The following FRMD5 variants were observed in gnomAD, a reference collection of about 807,000 sequenced individuals.
FRMD5 encodes the protein FERM domain containing 5.
In FRMD5, 20 loss-of-function variants were observed where a neutral mutation model predicts 69.0. The ratio of observed to expected loss-of-function variants is 0.29; its 90% CI spans 0.20 to 0.42. The LOEUF is 0.42. FRMD5 is among the 10% of genes least tolerant of loss of function. The pLI is 1.00. For missense variants in FRMD5, 595 were observed against 708.6 expected, an observed-to-expected ratio of 0.84 and a Z score of 1.82; for synonymous variants, 271 against 260.1, an observed-to-expected ratio of 1.04 and a Z score of -0.40.
rs1276847796 is a variant in FRMD5 at position 44,139,290 on chromosome 15, C to CCT, written c.102+55661_102+55662dup. Among the ~76,000 whole-genome samples the CCT allele has an allele frequency of 2.1e-5, 3 of 144,990 alleles. No homozygotes were observed. In the East Asian group the frequency reaches 6.0e-4, roughly 29 times the overall value. ...AACAGAAACACCATCTATAGCTCCC[C>CCT]CTCTCTCTACACACACACACACACA... On this transcript the variant is annotated intron_variant, in intron 1 of 13. Coordinates refer to ENST00000417257, the MANE Select transcript of FRMD5 (RefSeq NM_032892.5).
chr15:44,008,284 G>C (rs1352410090), intron 1 of FRMD5, among the ~76,000 whole-genome samples: 1 of 151,322 alleles, frequency 6.6e-6, no homozygotes, highest in African/African-American at 2.4e-5. Flanking sequence ...ATTTTTTTGA[G>C]ACAGAGTCTT....
intron 6 of FRMD5, among the ~76,000 whole-genome samples, chr15:43,903,284 A>C (rs1171419002): frequency 6.6e-6 from 1 of 152,152 alleles, no homozygotes; most frequent in East Asian, 1.9e-4. Context: ...GGTGGACAGG[A>C]CTGCACGTTG....
Position 43,879,460 on chromosome 15 carries a change from G to A in FRMD5, c.1135+4243C>T, listed in dbSNP as rs1567205463. ...GGGATGGGTGCCGTGGGAAGGATCT[G>A]CGCTAACTGGCACAGCAAAACAGGA... On this transcript the variant is annotated intron_variant, in intron 13 of 13. Transcript: ENST00000417257. 7 of 398,834 alleles carry A rather than the reference G, an allele frequency of 1.8e-5. No individual in the cohort carries two copies. The East Asian group carries it at 2.1e-4, about 12-fold the overall frequency. 24.7% of individuals were successfully genotyped at this position (398,834 alleles called of 1,614,324 possible).
intron 13 of FRMD5, among the ~76,000 whole-genome samples, chr15:43,879,147 A>G: frequency 6.6e-6 from 1 of 152,016 alleles, no homozygotes. Context: ...CATGTTGGCC[A>G]GGCTGGTCTG....
chr15:44,016,904 C>T (rs1354415234), intron 1 of FRMD5, among the ~76,000 whole-genome samples: 4 of 151,846 alleles, frequency 2.6e-5, no homozygotes, highest in East Asian at 1.9e-4. Flanking sequence ...ATAAGCCTCC[C>T]GAGTAGCTAG....
intron 1 of FRMD5, among the ~76,000 whole-genome samples, chr15:43,941,963 ATATT>A (rs1254051957): frequency 4.0e-4 from 61 of 152,314 alleles, no homozygotes; most frequent in African/African-American, 1.4e-3. Flanking sequence ...ACTGATGCTC[ATATT>A]TATTGTCAAA....
intron 1 of FRMD5, among the ~76,000 whole-genome samples, chr15:44,068,912 G>A (rs1408611470): frequency 4.6e-5 from 7 of 152,156 alleles, no homozygotes; most frequent in Non-Finnish European, 7.4e-5. Context: ...CAGGAAGGCA[G>A]AGTCAAGGAA....
intron 1 of FRMD5, among the ~76,000 whole-genome samples, chr15:44,117,807 G>A (rs1481621044): frequency 1.3e-5 from 2 of 152,032 alleles, no homozygotes; most frequent in African/African-American, 4.8e-5. Flanking sequence ...TACTTCCTTT[G>A]TCCAAGATAC....
intron 1 of FRMD5, among the ~76,000 whole-genome samples, chr15:44,118,575 A>G (rs768701882): frequency 2.6e-5 from 4 of 152,058 alleles, no homozygotes; most frequent in Non-Finnish European, 2.9e-5. Context: ...TTCATTTCCT[A>G]TCCTACCATT....
chr15:43,955,356 C>T (rs1490062602), intron 1 of FRMD5, among the ~76,000 whole-genome samples: 2 of 152,198 alleles, frequency 1.3e-5, no homozygotes. Context: ...GTGGCAGCTG[C>T]TTAGTATCAT....
At chr15:43,952,225 C>T (rs1297911592) in intron 1 of FRMD5, among the ~76,000 whole-genome samples, 3 of 152,114 alleles carry the variant, frequency 2.0e-5, no homozygotes, top group African/African-American at 4.8e-5. Context: ...TAAGCAAATG[C>T]TGCACTAAAT....
At chr15:44,040,992 CAAAAAAAAAAAAAAAAAAAAAAAAAAAAA>C (rs71421819) in intron 1 of FRMD5, among the ~76,000 whole-genome samples, 3 of 17,466 alleles carry the variant, frequency 1.7e-4, no homozygotes, top group South Asian at 3.7e-3. Flanking sequence ...AAATGGAAAG[CAAAAAAAAAAAAAAAAAAAAAAAAAAAAA>C]AAAAAAAAAA....
At chr15:44,026,272 C>T (rs942869210) in intron 1 of FRMD5, among the ~76,000 whole-genome samples, 16 of 152,248 alleles carry the variant, frequency 1.1e-4, no homozygotes, top group Admixed American at 2.6e-4. Flanking sequence ...TGAACCCCCA[C>T]ATCTGGCCTC....
chr15:43,875,236 TGTC>T (rs2088298157), intron 13 of FRMD5, among the ~76,000 whole-genome samples: 1 of 151,448 alleles, frequency 6.6e-6, no homozygotes, highest in Non-Finnish European at 1.5e-5. Flanking sequence ...GCATGCCTGT[TGTC>T]CCAGCTACTT....
chr15:44,155,380 C>T (rs555468686), intron 1 of FRMD5, among the ~76,000 whole-genome samples: 16 of 150,398 alleles, frequency 1.1e-4, no homozygotes, highest in South Asian at 8.6e-4. Context: ...TGCAGTGGGC[C>T]GAGATCACAC....
At chr15:43,973,916 G>A (rs2090426271) in intron 1 of FRMD5, among the ~76,000 whole-genome samples, 1 of 150,682 alleles carries the variant, frequency 6.6e-6, no homozygotes, top group African/African-American at 2.4e-5. Flanking sequence ...CAGTTTAACT[G>A]CTGGAACTAG....
chr15:43,911,326 TAA>T (rs2089284093), intron 4 of FRMD5, among the ~76,000 whole-genome samples: 1 of 152,246 alleles, frequency 6.6e-6, no homozygotes, highest in African/African-American at 2.4e-5. Context: ...TCTGAGATCA[TAA>T]AGTCATTGCA....
chr15:44,179,408 T>C (rs893347780), intron 1 of FRMD5, among the ~76,000 whole-genome samples: 10 of 152,234 alleles, frequency 6.6e-5, no homozygotes, highest in African/African-American at 2.4e-4. Context: ...TCCATTATAA[T>C]TGACAAACTA....
At chr15:43,995,675 G>T (rs1042869838) in intron 1 of FRMD5, among the ~76,000 whole-genome samples, 1 of 151,728 alleles carries the variant, frequency 6.6e-6, no homozygotes, top group African/African-American at 2.4e-5. Flanking sequence ...GCTTGGATCT[G>T]TAGGGGCTGG....
Sources: gnomAD v4.1 joint callset for allele counts (sites outside exome capture counted in the v4.1 genomes callset) on GRCh38, gnomAD v4.1.1 for gene constraint, MANE v1.5 for transcripts, NCBI Gene and HGNC (gene_info 2026-07-23, HGNC 2026-07-21) for gene names.